TRANK1: variants seen among roughly 807,000 people sequenced by gnomAD.
TRANK1 encodes TPR and ankyrin repeat-containing protein 1.
TRANK1 carries 198 observed loss-of-function variants against 266.0 expected under a neutral mutation model. The observed-to-expected ratio is 0.74, with a 90% CI of 0.66 to 0.84. The LOEUF (loss-of-function observed/expected upper bound fraction) is 0.84, where lower values mean the gene tolerates loss of function less well. Ranked by LOEUF, TRANK1 falls within the 40% of genes least tolerant of loss-of-function variation. The pLI, the probability that TRANK1 is intolerant of heterozygous loss-of-function variation, is 0.00. For missense variants in TRANK1, 3,326 were observed against 3,634.6 expected, an observed-to-expected ratio of 0.92 and a Z score of 2.18; for synonymous variants, 1,396 against 1,384.1, an observed-to-expected ratio of 1.01 and a Z score of -0.19.
At chr3:36,921,407 A>C (rs561976715) in intron 1 of TRANK1, among the ~76,000 whole-genome samples, 1 of 152,334 alleles carries the variant, frequency 6.6e-6, no homozygotes, top group African/African-American at 2.4e-5. Context: ...TTTATGTTCC[A>C]GTGCTATTTC....
At chr3:36,939,485 G>C (rs1025579997) in intron 1 of TRANK1, among the ~76,000 whole-genome samples, 1 of 152,216 alleles carries the variant, frequency 6.6e-6, no homozygotes, top group Non-Finnish European at 1.5e-5. Flanking sequence ...AGAAAATCCA[G>C]AAATCTGGGA....
chr3:36,943,595 G>C (rs1393000190), intron 1 of TRANK1, among the ~76,000 whole-genome samples: 1 of 149,058 alleles, frequency 6.7e-6, no homozygotes, highest in Non-Finnish European at 1.5e-5. Context: ...ACAAACTCCT[G>C]ACCACCGTCC....
chr3:36,845,576 A>G (rs765224900), intron 17 of TRANK1, among the ~76,000 whole-genome samples: 1 of 152,258 alleles, frequency 6.6e-6, no homozygotes, highest in Non-Finnish European at 1.5e-5. Flanking sequence ...TGATATGCAT[A>G]AAGTTTTTAT....
chr3:36,836,553 A>C (rs2078772971), intron 20 of TRANK1, among the ~76,000 whole-genome samples: 2 of 152,264 alleles, frequency 1.3e-5, no homozygotes, highest in Non-Finnish European at 2.9e-5. Context: ...ACATATAAAA[A>C]TGTATTAGAA....
Position 36,847,366 on chromosome 3 carries a change from T to C in TRANK1, c.4888-20A>G. The C allele has an allele frequency of 1.9e-6, 3 of 1,612,340 alleles. No individual in the cohort carries two copies. Among genetic ancestry groups the C allele is most frequent in the Non-Finnish European group, 1.7e-6 (2 of 1,178,984 alleles). ...ATAAGCCTGAACAACAACAAAAAAGTGAAGACCAACAGAATATGCTTTTGA... is the reference window on the plus strand; with the variant it reads ...ATAAGCCTGAACAACAACAAAAAAGCGAAGACCAACAGAATATGCTTTTGA... On this transcript the variant is annotated intron_variant, in intron 15 of 23. Coordinates refer to ENST00000645898, the MANE Select transcript of TRANK1 (RefSeq NM_001329998.2).
chr3:36,944,995 A>C lies in TRANK1; in HGVS notation c.-186T>G, dbSNP rs114175299. 2.0e-6 allele frequency: 1 copy of C among 507,490 alleles called. No homozygotes were observed. Among genetic ancestry groups the C allele is most frequent in the East Asian group, 3.6e-5 (1 of 27,680 alleles). 31.4% of individuals were successfully genotyped at this position (507,490 alleles called of 1,614,324 possible). On this transcript the variant is annotated 5_prime_UTR_variant, in exon 1 of 24. Transcript: ENST00000645898. ...GGCTCGGCTACCCAGCCGCGATCAG[A>C]GGGGGCGGGGGACGCAGGAACCCCG...
intron 1 of TRANK1, among the ~76,000 whole-genome samples, chr3:36,943,064 C>G (rs1048295197): frequency 2.6e-5 from 4 of 151,716 alleles, no homozygotes; most frequent in East Asian, 2.0e-4. Flanking sequence ...CACCCCCGGC[C>G]CCCCGTAATC....
Position 36,833,417 on chromosome 3 carries a change from G to A in TRANK1, c.6166C>T (p.Leu2056Phe), listed in dbSNP as rs1292636059. The change falls in exon 22 of 24, where the codon CTC becomes TTC. Residue 2056 changes from leucine (L) to phenylalanine (F), a missense_variant. Coordinates refer to ENST00000645898, the MANE Select transcript of TRANK1 (RefSeq NM_001329998.2). ...LRDAFFKFDT[L>F]NHSAGVVEAL... ...TCCACCACTCCAGCTGAGTGGTTGA[G>A]CGTGTCAAACTTGAAGAAGGCATCC... 3 of 1,613,764 alleles carry A rather than the reference G, an allele frequency of 1.9e-6. No individual in the cohort carries two copies. The highest frequency in any genetic ancestry group is 1.6e-4 in the Middle Eastern group (1 of 6,080).
At chr3:36,830,546 C>T (rs1255381334) in intron 22 of TRANK1, among the ~76,000 whole-genome samples, 4 of 152,126 alleles carry the variant, frequency 2.6e-5, no homozygotes, top group Admixed American at 2.6e-4. Context: ...ATTATTCTGG[C>T]AAGAATCATT....
chr3:36,905,855 T>C (rs1282928582), intron 2 of TRANK1, among the ~76,000 whole-genome samples: 1 of 152,166 alleles, frequency 6.6e-6, no homozygotes. Context: ...CTCCTGCAAG[T>C]ACGCTGTAAA....
chr3:36,856,802 G>C lies in TRANK1; in HGVS notation c.2920C>G (p.Leu974Val). ...ACTTGGCCTTTATTGATACCTTTCA[G>C]CTTCTTCCGCAGGACACAGGACAAG... is the stretch of plus-strand genomic sequence containing the variant. ...RGLSCVLRKK[L>V]KGINKGQVSA... The change falls in exon 13 of 24, where the codon CTG (leucine) becomes GTG (valine). Residue 974 changes from leucine (L) to valine (V), a missense_variant. Transcript: ENST00000645898. The C allele has an allele frequency of 1.9e-6, 3 of 1,613,962 alleles. No homozygotes were observed. Among genetic ancestry groups the C allele is most frequent in the Non-Finnish European group, 2.5e-6 (3 of 1,179,886 alleles).
chr3:36,847,406 C>T (rs755456292), intron 15 of TRANK1, 60 bp from the exon 16 acceptor site: 65 of 1,565,830 alleles, frequency 4.2e-5, no homozygotes, highest in Non-Finnish European at 5.4e-5. Flanking sequence ...CGCATACAGC[C>T]TCCCTGAGCT....
At position 36,838,602 on chromosome 3, in the gene TRANK1, A is replaced by G; in HGVS notation, c.5384+11T>C. On this transcript the variant is annotated intron_variant, in intron 19 of 23. Transcript: ENST00000645898. ...ATCGGAGCAAACCAGAAGTGATCCC[A>G]AGACTCTTACTTGGGGCTGACTTTC... is the stretch of plus-strand genomic sequence containing the variant. 1 of 1,613,976 alleles carries G rather than the reference A, an allele frequency of 6.2e-7. No homozygotes were observed. Among genetic ancestry groups the G allele is most frequent in the Non-Finnish European group, 8.5e-7 (1 of 1,179,864 alleles).
rs13098391 is a variant in TRANK1 at position 36,856,194 on chromosome 3, T to G, written c.3528A>C (p.Ala1176=). The G allele has an allele frequency of 8.1e-6, 13 of 1,614,004 alleles. No homozygotes were observed. Among genetic ancestry groups the G allele is most frequent in the East Asian group, 4.5e-5 (2 of 44,880 alleles). ...GGGGATGTTCTGGTGCACATACTTC[T>G]GCAGCTTGGCCGTCCCCTGCTGGCT... The part of the protein sequence containing the change: ...GVEPAGDGQA[A]EVCAPEHPHQ... Residue 1176 remains alanine (A), a synonymous_variant, in exon 13 of 24, where the codon GCA becomes GCC. Coordinates refer to ENST00000645898, the MANE Select transcript of TRANK1 (RefSeq NM_001329998.2).
intron 1 of TRANK1, among the ~76,000 whole-genome samples, chr3:36,927,742 A>G (rs1309422820): frequency 1.3e-5 from 2 of 152,206 alleles, no homozygotes; most frequent in African/African-American, 4.8e-5. Flanking sequence ...TTCCACATAG[A>G]ATAATAAGCC....
Position 36,838,387 on chromosome 3 carries a change from G to T in TRANK1, c.5502C>A (p.Cys1834Ter). ...AKEFQLSAQLCERLGKIRDAA... is the reference protein window; with the variant it reads ...AKEFQLSAQL ...GGAGCCATACCTTTCCCAGCCTCTCGCACAGCTGGGCAGAGAGCTGGAACT... is the reference window on the plus strand; with the variant it reads ...GGAGCCATACCTTTCCCAGCCTCTCTCACAGCTGGGCAGAGAGCTGGAACT... The change falls in exon 20 of 24, where the codon TGC becomes TGA. Residue 1834 changes from cysteine to a stop codon, truncating the protein, a stop_gained. Transcript: ENST00000645898. LOFTEE classifies it high-confidence loss of function. The T allele has an allele frequency of 6.2e-7, 1 of 1,613,954 alleles. No homozygotes were observed. The highest frequency in any genetic ancestry group is 1.3e-5 in the African/African-American group (1 of 75,040).
At chr3:36,939,907 T>C (rs2080473032) in intron 1 of TRANK1, among the ~76,000 whole-genome samples, 1 of 152,038 alleles carries the variant, frequency 6.6e-6, no homozygotes, top group Non-Finnish European at 1.5e-5. Flanking sequence ...TTTTTTTCTT[T>C]TGAGACGGAG....
intron 21 of TRANK1, chr3:36,834,391 C>T (rs911453499): frequency 4.9e-6 from 1 of 205,094 alleles, no homozygotes; most frequent in Non-Finnish European, 9.6e-6. Context: ...TATTACCCAA[C>T]TTGTGATTCT....
chr3:36,850,783 A>G (rs1416255174), intron 15 of TRANK1: 2 of 985,300 alleles, frequency 2.0e-6, no homozygotes, highest in Non-Finnish European at 2.4e-6. Flanking sequence ...AATGATAAGA[A>G]AAAAAGGAAG....
Sources: allele counts gnomAD v4.1 joint callset (sites outside exome capture counted in the v4.1 genomes callset), GRCh38; gene constraint gnomAD v4.1.1; transcripts MANE v1.5; gene names NCBI Gene and HGNC (gene_info 2026-07-23, HGNC 2026-07-21).